The following CAPN9 variants were observed in gnomAD, a reference collection of about 807,000 sequenced individuals.
The protein encoded by CAPN9 is calpain 9.
In CAPN9, 81 loss-of-function variants were observed where a neutral mutation model predicts 92.8. The ratio of observed to expected loss-of-function variants is 0.87; its 90% CI spans 0.73 to 1.05. The LOEUF (loss-of-function observed/expected upper bound fraction) is 1.05. Among genes scored for constraint, CAPN9 ranks in the 50% least tolerant of loss-of-function variants. The probability of loss-of-function intolerance (pLI) is 0.00; values close to 1 mark genes in which losing one functional copy is unlikely to be tolerated. For synonymous variants in CAPN9, 304 were observed against 328.0 expected (o/e 0.93, Z 0.79); for missense variants, 848 against 866.2 (o/e 0.98, Z 0.26).
intron 19 of CAPN9, among the ~76,000 whole-genome samples, chr1:230,799,339 C>T (rs1668538626): frequency 6.6e-6 from 1 of 152,190 alleles, no homozygotes; most frequent in Non-Finnish European, 1.5e-5. Flanking sequence ...CAGAAAGAGA[C>T]ATAGGCCTTA....
rs1666609704 is a variant in CAPN9, at chr1:230,774,547, C to T, written c.876-7C>T. 6.2e-7 allele frequency: 1 copy of T among 1,609,142 alleles called. No individual in the cohort carries two copies. The highest frequency in any genetic ancestry group is 8.5e-7 in the Non-Finnish European group (1 of 1,175,550). On this transcript the variant is annotated splice_polypyrimidine_tract_variant and splice_region_variant and intron_variant, in intron 7 of 19. Coordinates refer to ENST00000271971, the MANE Select transcript of CAPN9 (RefSeq NM_006615.3). ...TCTGCCTGAACACCAATTTTGTTTA[C>T]TCCTAGTTCTCCGGAGTGGCGTTCT...
Position 230,780,349 on chromosome 1 carries a change from C to G in CAPN9, c.1272+13C>G. On this transcript the variant is annotated intron_variant, in intron 10 of 19. Coordinates refer to ENST00000271971, the MANE Select transcript of CAPN9 (RefSeq NM_006615.3). ...TGCCATTTATGAGGTAGGTGGGAAC[C>G]ACACTGCATTTCAGAGTTCTCCATC... 1 of 1,613,056 alleles carries G rather than the reference C, an allele frequency of 6.2e-7. No individual in the cohort carries two copies. Among genetic ancestry groups the G allele is most frequent in the Non-Finnish European group, 8.5e-7 (1 of 1,179,500 alleles).
At position 230,754,622 on chromosome 1, in the gene CAPN9, C is replaced by T. The variant is rs936388668; in HGVS notation, c.214-715C>T. Among the ~76,000 whole-genome samples the T allele has an allele frequency of 2.3e-4, 32 of 136,816 alleles. 1 individual carries two copies. Among genetic ancestry groups the T allele is most frequent in the South Asian group, 9.4e-4 (4 of 4,244 alleles). 89.8% of individuals were successfully genotyped at this position (136,816 alleles called of 152,430 possible). On this transcript the variant is annotated intron_variant, in intron 1 of 19. Transcript: ENST00000271971. ...TTTGAGACCAGCCTGGGCAACATAG[C>T]GAGACCCCCATCTCCACAAAAAAAA...
intron 3 of CAPN9, among the ~76,000 whole-genome samples, chr1:230,761,514 G>A (rs2102851626): frequency 6.6e-6 from 1 of 151,922 alleles, no homozygotes; most frequent in Admixed American, 6.5e-5. Flanking sequence ...AAGCCCTGGA[G>A]GGGAGGTCCA....
At chr1:230,753,146 C>T (rs1004377030) in intron 1 of CAPN9, among the ~76,000 whole-genome samples, 4 of 152,146 alleles carry the variant, frequency 2.6e-5, no homozygotes, top group Non-Finnish European at 4.4e-5. Context: ...CACTCCCTTT[C>T]CAGCCACCAC....
chr1:230,775,474 T>C (rs1666695768), intron 8 of CAPN9, among the ~76,000 whole-genome samples: 1 of 152,212 alleles, frequency 6.6e-6, no homozygotes, highest in South Asian at 2.1e-4. Context: ...TCTAGAATCT[T>C]TTTCAGTCTT....
intron 8 of CAPN9, 116 bp downstream of exon 8, chr1:230,774,747 T>TTC: frequency 4.5e-6 from 3 of 672,122 alleles, no homozygotes; most frequent in Non-Finnish European, 4.8e-6. Context: ...TTCTTTTTTT[T>TTC]TTTTTTTTTT....
At chr1:230,766,478 C>T (rs1665991718) in intron 4 of CAPN9, among the ~76,000 whole-genome samples, 2 of 152,116 alleles carry the variant, frequency 1.3e-5, no homozygotes, top group South Asian at 4.1e-4. Context: ...TAGACAAATT[C>T]TAATCCTGCA....
At chr1:230,751,529 GAA>G (rs1664768042) in intron 1 of CAPN9, among the ~76,000 whole-genome samples, 1 of 127,512 alleles carries the variant, frequency 7.8e-6, no homozygotes, top group Admixed American at 8.1e-5. Flanking sequence ...GAGAGAAAGA[GAA>G]AGAAAGATAG....
At chr1:230,792,589 C>A in intron 16 of CAPN9, 95 bp downstream of exon 16, 1 of 1,001,422 alleles carries the variant, frequency 1.0e-6, no homozygotes, top group Non-Finnish European at 1.6e-6. Context: ...AGGCTATAGG[C>A]TAGAGGAATT....
intron 18 of CAPN9, 150 bp from the exon 19 acceptor site, chr1:230,798,012 C>A (rs1177053291): frequency 3.0e-6 from 2 of 669,018 alleles, no homozygotes; most frequent in Admixed American, 4.6e-5. Context: ...GATGAGAGTC[C>A]CATCGCCGCC....
In CAPN9 at chr1:230,792,340, C is replaced by G; in HGVS notation, c.1723-86C>G. 3 of 1,140,254 alleles carry G rather than the reference C, an allele frequency of 2.6e-6. No individual in the cohort carries two copies. In the Admixed American group the frequency reaches 5.1e-5, roughly 19 times the overall value. 70.6% of individuals were successfully genotyped at this position (1,140,254 alleles called of 1,614,324 possible). A position where few individuals can be genotyped will look rare whatever the true frequency, so the allele number is the denominator to read the frequency against. On this transcript the variant is annotated intron_variant, in intron 15 of 19. Transcript: ENST00000271971. ...GCACCCAGGCCAGCCCATCGGCCCT[C>G]CCCCTCTGCAGTCCCAGAGCTGAGG...
intron 16 of CAPN9, 35 bp downstream of exon 16, chr1:230,792,529 G>C: frequency 6.5e-7 from 1 of 1,541,506 alleles, no homozygotes; most frequent in South Asian, 1.1e-5. Flanking sequence ...GCCTCTGGGG[G>C]ACCCAGTGAA....
intron 11 of CAPN9, among the ~76,000 whole-genome samples, chr1:230,783,863 G>A (rs1572070409): frequency 6.6e-6 from 1 of 152,306 alleles, no homozygotes; most frequent in Non-Finnish European, 1.5e-5. Context: ...CTTCTTAGAG[G>A]CTGGTTAAAT....
intron 12 of CAPN9, among the ~76,000 whole-genome samples, chr1:230,786,389 G>A (rs1356864103): frequency 3.9e-5 from 6 of 152,170 alleles, no homozygotes; most frequent in Non-Finnish European, 8.8e-5. Flanking sequence ...GCACCTATTT[G>A]GGGAGGTAAA....
intron 14 of CAPN9, among the ~76,000 whole-genome samples, chr1:230,790,593 C>G (rs1215842794): frequency 7.2e-6 from 1 of 138,112 alleles, no homozygotes; most frequent in African/African-American, 3.0e-5. Flanking sequence ...CCCAGGCAAC[C>G]ACTCATCTAC....
intron 8 of CAPN9, 37 bp downstream of exon 8, chr1:230,774,668 G>A: frequency 1.4e-6 from 2 of 1,445,818 alleles, no homozygotes; most frequent in South Asian, 1.1e-5. Context: ...GCAGATACGA[G>A]CAAGTCCCAT....
chr1:230,792,463 A>G lies in CAPN9; in HGVS notation c.1760A>G (p.Lys587Arg), dbSNP rs576861799. 6 of 1,614,114 alleles carry G rather than the reference A, an allele frequency of 3.7e-6. No homozygotes were observed. Among genetic ancestry groups the G allele is most frequent in the East Asian group, 2.2e-5 (1 of 44,862 alleles). Reference sequence around the variant, plus strand: ...GGGAAGCTGGAGTTTGATGAATTCAAAGTGTTCTGGGACAAGCTGAAGCAG... The same window carrying G: ...GGGAAGCTGGAGTTTGATGAATTCAGAGTGTTCTGGGACAAGCTGAAGCAG... ...GNGKLEFDEF[K>R]VFWDKLKQWI... The change falls in exon 16 of 20, where the codon AAA becomes AGA. Residue 587 changes from lysine (K) to arginine (R), a missense_variant. Lys to Arg is a conservative substitution (Grantham distance 26, BLOSUM62 2). Coordinates refer to ENST00000271971, the MANE Select transcript of CAPN9 (RefSeq NM_006615.3).
chr1:230,755,483 C>CTCAGGGACCCCATG, intron 2 of CAPN9, 77 bp downstream of exon 2: 2 of 1,156,464 alleles, frequency 1.7e-6, no homozygotes, highest in Non-Finnish European at 2.5e-6. Flanking sequence ...GCATGGGGTC[C>CTCAGGGACCCCATG]CTGAGGACCC....
Sources: allele counts gnomAD v4.1 joint callset (sites outside exome capture counted in the v4.1 genomes callset), GRCh38; gene constraint gnomAD v4.1.1; transcripts MANE v1.5; gene names NCBI Gene and HGNC (gene_info 2026-07-23, HGNC 2026-07-21).